Variants in SLIT3 observed in about 807,000 individuals in gnomAD.
The protein encoded by SLIT3 is slit homolog 3 protein.
Under a neutral mutation model 184.0 loss-of-function variants are expected in SLIT3, and 68 were observed. The observed-to-expected ratio is 0.37, with a 90% CI of 0.30 to 0.45. The LOEUF is 0.45. SLIT3 is among the 20% of genes least tolerant of loss of function. SLIT3 has a pLI of 1.00. For synonymous variants in SLIT3, 831 were observed against 828.6 expected (o/e 1.00, Z -0.05); for missense variants, 1,707 against 2,026.0 (o/e 0.84, Z 3.02).
chr5:168,684,407 T>A (rs1761683231), intron 31 of SLIT3, among the ~76,000 whole-genome samples: 1 of 152,204 alleles, frequency 6.6e-6, no homozygotes. Flanking sequence ...CTCTGGTGCA[T>A]AACATGATCC....
At chr5:169,209,293 C>T (rs1187283621) in intron 3 of SLIT3, among the ~76,000 whole-genome samples, 1 of 152,154 alleles carries the variant, frequency 6.6e-6, no homozygotes, top group Non-Finnish European at 1.5e-5. Flanking sequence ...ACTAAAAAGT[C>T]AGGAAACCAT....
At chr5:168,897,102 T>C (rs958271032) in intron 4 of SLIT3, among the ~76,000 whole-genome samples, 3 of 144,816 alleles carry the variant, frequency 2.1e-5, no homozygotes, top group African/African-American at 7.5e-5. Context: ...GGGGCTTACA[T>C]TTCAATGAAG....
intron 8 of SLIT3, among the ~76,000 whole-genome samples, chr5:168,808,919 A>G (rs1265447082): frequency 6.6e-6 from 1 of 152,140 alleles, no homozygotes; most frequent in Non-Finnish European, 1.5e-5. Flanking sequence ...CACACCTGAC[A>G]AAGCCAGGGA....
chr5:169,124,814 T>G (rs1761015185), intron 4 of SLIT3, among the ~76,000 whole-genome samples: 2 of 152,112 alleles, frequency 1.3e-5, no homozygotes, highest in Non-Finnish European at 2.9e-5. Context: ...TGTGGTATTG[T>G]GCTGTACCTT....
At chr5:169,044,024 C>A (rs1757536906) in intron 4 of SLIT3, among the ~76,000 whole-genome samples, 1 of 152,080 alleles carries the variant, frequency 6.6e-6, no homozygotes, top group Non-Finnish European at 1.5e-5. Context: ...AGGAGACTAC[C>A]CTGAGTAGAG....
At chr5:168,722,348 G>T in intron 22 of SLIT3, 21 bp from the exon 23 acceptor site, 1 of 1,611,062 alleles carries the variant, frequency 6.2e-7, no homozygotes, top group South Asian at 1.1e-5. Context: ...GGAGGCATGT[G>T]CCCTGTTGTG....
At chr5:169,270,795 G>C (rs1766576599) in intron 1 of SLIT3, among the ~76,000 whole-genome samples, 1 of 152,218 alleles carries the variant, frequency 6.6e-6, no homozygotes, top group African/African-American at 2.4e-5. Flanking sequence ...AGCTTATTCT[G>C]CACTTGGGGG....
At chr5:169,284,064 A>G (rs1169296102) in intron 1 of SLIT3, among the ~76,000 whole-genome samples, 1 of 152,244 alleles carries the variant, frequency 6.6e-6, no homozygotes, top group Non-Finnish European at 1.5e-5. Context: ...TCAGCCAATA[A>G]AACAATGCTG....
chr5:168,699,641 G>C (rs1391264157), intron 27 of SLIT3, among the ~76,000 whole-genome samples: 2 of 152,326 alleles, frequency 1.3e-5, no homozygotes, highest in East Asian at 3.9e-4. Flanking sequence ...TGTCAGGAAG[G>C]AAAGAGGGCT....
chr5:169,275,467 T>C (rs1398459389), intron 1 of SLIT3, among the ~76,000 whole-genome samples: 1 of 152,212 alleles, frequency 6.6e-6, no homozygotes, highest in Non-Finnish European at 1.5e-5. Flanking sequence ...GATGTCGCTG[T>C]GTCACATACA....
intron 4 of SLIT3, among the ~76,000 whole-genome samples, chr5:168,901,426 GATA>G (rs1251149255): frequency 6.9e-6 from 1 of 145,592 alleles, no homozygotes; most frequent in Non-Finnish European, 1.5e-5. Context: ...AGTTTATACA[GATA>G]ATAATAAAAA....
At chr5:169,244,967 G>A (rs1038477395) in intron 2 of SLIT3, among the ~76,000 whole-genome samples, 191 bp from the exon 3 acceptor site, 4 of 152,148 alleles carry the variant, frequency 2.6e-5, no homozygotes, top group Non-Finnish European at 5.9e-5. Context: ...GGGTTTTGCC[G>A]CCTGCACACT....
intron 6 of SLIT3, among the ~76,000 whole-genome samples, chr5:168,843,422 AT>A (rs1165485052): frequency 2.6e-5 from 4 of 151,954 alleles, no homozygotes; most frequent in Non-Finnish European, 5.9e-5. Flanking sequence ...TGACTGTGTA[AT>A]TTTTTATTTT....
intron 4 of SLIT3, among the ~76,000 whole-genome samples, chr5:169,080,638 T>C (rs1481921945): frequency 1.4e-5 from 2 of 139,944 alleles, no homozygotes; most frequent in African/African-American, 3.0e-5. Context: ...GAGGAAGCTG[T>C]TTTTTTTGCA....
intron 35 of SLIT3, chr5:168,667,864 G>A (rs1761105836): frequency 6.6e-6 from 1 of 152,232 alleles, no homozygotes; most frequent in Non-Finnish European, 1.5e-5. Flanking sequence ...GCATGTGCAT[G>A]TGTATAACAT....
chr5:168,993,100 A>T (rs1167200391), intron 4 of SLIT3: 1 of 152,184 alleles, frequency 6.6e-6, no homozygotes, highest in African/African-American at 2.4e-5. Flanking sequence ...TCCGAAATGA[A>T]AATATCCTAT....
chr5:168,783,876 C>G (rs1756060839), intron 12 of SLIT3, among the ~76,000 whole-genome samples: 1 of 152,144 alleles, frequency 6.6e-6, no homozygotes, highest in African/African-American at 2.4e-5. Context: ...GAGTTGCTTC[C>G]TCTTTACCCC....
In SLIT3 at chr5:168,665,014, C is replaced by T. The variant is rs1012963570; in HGVS notation, c.*1440G>A. The T allele has an allele frequency of 6.6e-6, 1 of 152,212 alleles. No individual in the cohort carries two copies. The highest frequency in any genetic ancestry group is 1.9e-4 in the East Asian group (1 of 5,200). The allele number at this position is 152,212 out of a possible 1,614,324, so 9.4% of individuals were successfully genotyped here. On this transcript the variant is annotated 3_prime_UTR_variant, in exon 36 of 36. Transcript: ENST00000519560. ...AAAAAACATCATATTATTTCCTTTTCCGGCAGGGCTGCTCTGATGGATTTA... is the reference window on the plus strand; with the variant it reads ...AAAAAACATCATATTATTTCCTTTTTCGGCAGGGCTGCTCTGATGGATTTA...
At chr5:168,695,754 G>C (rs966876455) in intron 28 of SLIT3, among the ~76,000 whole-genome samples, 3 of 152,120 alleles carry the variant, frequency 2.0e-5, no homozygotes, top group African/African-American at 7.2e-5. Flanking sequence ...CTCTGGCTGG[G>C]TTAGGTTCCT....
Sources: gnomAD v4.1 joint callset for allele counts (sites outside exome capture counted in the v4.1 genomes callset) on GRCh38, gnomAD v4.1.1 for gene constraint, MANE v1.5 for transcripts, NCBI Gene and HGNC (gene_info 2026-07-23, HGNC 2026-07-21) for gene names.